Variants in BLTP1 observed in about 807,000 individuals in gnomAD.
BLTP1 encodes the protein bridge-like lipid transfer protein family member 1, also known as fragile site-associated protein.
At chr4:122,246,377 G>T in the BLTP1 span, 1 of 1,260,570 alleles carries the variant, frequency 7.9e-7, no homozygotes, top group East Asian at 2.4e-5. Flanking sequence ...AGTTACCAAC[G>T]TGAATAATGG....
the BLTP1 span, chr4:122,235,067 C>A: frequency 6.9e-7 from 1 of 1,454,714 alleles, no homozygotes; most frequent in East Asian, 2.3e-5. Context: ...TTACTTTCTT[C>A]ATCACTATGC....
chr4:122,230,912 C>A, the BLTP1 span, among the ~76,000 whole-genome samples: 1 of 152,034 alleles, frequency 6.6e-6, no homozygotes, highest in African/African-American at 2.4e-5. Flanking sequence ...TGAAATCATC[C>A]TGTATATACA....
the BLTP1 span, chr4:122,179,764 A>C: frequency 6.2e-6 from 5 of 812,022 alleles, no homozygotes; most frequent in South Asian, 2.8e-4. Context: ...AGATGAGCAC[A>C]TACATGCACA....
the BLTP1 span, among the ~76,000 whole-genome samples, chr4:122,350,934 T>C: frequency 6.6e-6 from 1 of 152,318 alleles, no homozygotes; most frequent in African/African-American, 2.4e-5. Context: ...GATGGTTAGC[T>C]ATCAGAGAGT....
chr4:122,159,206 G>A, the BLTP1 span, among the ~76,000 whole-genome samples: 4 of 152,162 alleles, frequency 2.6e-5, no homozygotes, highest in African/African-American at 9.7e-5. Context: ...GCTCATGCCT[G>A]TAATCCCAGC....
At chr4:122,246,579 C>T in the BLTP1 span, 5 of 1,334,390 alleles carry the variant, frequency 3.7e-6, no homozygotes, top group South Asian at 7.3e-5. Context: ...CTGTCAAATA[C>T]ATAGATATGC....
chr4:122,256,106 T>G, the BLTP1 span: 1 of 982,792 alleles, frequency 1.0e-6, no homozygotes, highest in African/African-American at 1.7e-5. Flanking sequence ...TTTTAGGATC[T>G]CTCTTCTCCA....
chr4:122,254,108 A>T, the BLTP1 span: 1 of 1,223,680 alleles, frequency 8.2e-7, no homozygotes, highest in Non-Finnish European at 1.1e-6. Context: ...TTTGATGAAA[A>T]GGTTTTGCAC....
At chr4:122,237,803 G>A in the BLTP1 span, among the ~76,000 whole-genome samples, 1 of 151,740 alleles carries the variant, frequency 6.6e-6, no homozygotes, top group Non-Finnish European at 1.5e-5. Flanking sequence ...GCCAACATGG[G>A]GAAACCCTTT....
chr4:122,201,260 A>C, the BLTP1 span: 28 of 730,208 alleles, frequency 3.8e-5, no homozygotes, highest in Non-Finnish European at 5.6e-5. Flanking sequence ...TTTGGGCTGA[A>C]AATGTTAAAG....
the BLTP1 span, among the ~76,000 whole-genome samples, chr4:122,197,712 C>T: frequency 4.4e-4 from 67 of 151,946 alleles, 2 homozygotes; most frequent in East Asian, 0.012. Context: ...GGGAGTAAGC[C>T]GGGTGGGTAC....
chr4:122,196,516 T>G, the BLTP1 span: 1 of 751,620 alleles, frequency 1.3e-6, no homozygotes, highest in Admixed American at 2.8e-5. Context: ...CAGAAAACAG[T>G]CTAATTGTCA....
chr4:122,166,227 A>T, the BLTP1 span, among the ~76,000 whole-genome samples: 179 of 152,172 alleles, frequency 1.2e-3, no homozygotes, highest in African/African-American at 4.1e-3. Flanking sequence ...TAAGTCTTTA[A>T]TCCATCTTGA....
At chr4:122,268,580 C>G in the BLTP1 span, among the ~76,000 whole-genome samples, 10 of 152,284 alleles carry the variant, frequency 6.6e-5, no homozygotes, top group African/African-American at 2.4e-4. Flanking sequence ...GTGTCTCAAA[C>G]AGTGGAAGTA....
the BLTP1 span, among the ~76,000 whole-genome samples, chr4:122,287,107 G>T: frequency 6.6e-6 from 1 of 152,072 alleles, no homozygotes; most frequent in Non-Finnish European, 1.5e-5. Context: ...TGCTTTACAC[G>T]CATTGACTTC....
At chr4:122,271,489 G>A in the BLTP1 span, 5 of 1,613,494 alleles carry the variant, frequency 3.1e-6, no homozygotes, top group Non-Finnish European at 4.2e-6. Flanking sequence ...CTCGAAACAA[G>A]AATTCATTAG....
At chr4:122,308,271 GT>G in the BLTP1 span, 2 of 1,165,074 alleles carry the variant, frequency 1.7e-6, no homozygotes, top group Admixed American at 2.3e-5. Flanking sequence ...GTTTATAACT[GT>G]TTAGTAGGTA....
the BLTP1 span, among the ~76,000 whole-genome samples, chr4:122,320,868 G>T: frequency 2.0e-5 from 3 of 151,074 alleles, no homozygotes; most frequent in Non-Finnish European, 4.4e-5. Context: ...TTTTCTCTTT[G>T]TTCCTGTCTT....
the BLTP1 span, chr4:122,255,108 C>G: frequency 6.3e-7 from 1 of 1,588,968 alleles, no homozygotes; most frequent in Non-Finnish European, 8.6e-7. Context: ...CACTCTAAAT[C>G]TATTGTTGTT....
Sources: allele counts gnomAD v4.1 joint callset (sites outside exome capture counted in the v4.1 genomes callset), GRCh38; gene constraint gnomAD v4.1.1; transcripts MANE v1.5; gene names NCBI Gene and HGNC (gene_info 2026-07-23, HGNC 2026-07-21).